Variants in RIC3 observed in about 807,000 individuals in gnomAD.
RIC3 encodes protein RIC-3.
A neutral mutation model predicts 27.3 loss-of-function variants in RIC3; 28 were observed. The observed-to-expected ratio is 1.02, with a 90% CI of 0.76 to 1.41. The LOEUF (loss-of-function observed/expected upper bound fraction) is 1.41. Ranked by LOEUF, RIC3 falls within the 40% of genes most tolerant of loss-of-function variation. RIC3 has a pLI of 0.00. For missense variants in RIC3, 501 were observed against 444.7 expected, an observed-to-expected ratio of 1.13 and a Z score of -1.14; for synonymous variants, 184 against 160.4, an observed-to-expected ratio of 1.15 and a Z score of -1.11.
At chr11:8,158,445 C>A (rs1950871330) in intron 1 of RIC3, among the ~76,000 whole-genome samples, 1 of 152,064 alleles carries the variant, frequency 6.6e-6, no homozygotes, top group South Asian at 2.1e-4. Context: ...GAAGCCACCT[C>A]CAACACAGAG....
Position 8,106,193 on chromosome 11 carries a change from TTGTC to T in RIC3, c.*4501_*4504del, listed in dbSNP as rs1278145035. ...TTATGTATGTTGTAGAATTTAGTGTTTGTCTAAGTACACACATATATCAACAAAT... is the reference window on the plus strand; with the variant it reads ...TTATGTATGTTGTAGAATTTAGTGTTTAAGTACACACATATATCAACAAAT... On this transcript the variant is annotated 3_prime_UTR_variant, in exon 6 of 6. Coordinates refer to ENST00000309737, the MANE Select transcript of RIC3 (RefSeq NM_001206671.4). 1 of 152,366 alleles carries T rather than the reference TTGTC, an allele frequency of 6.6e-6. No homozygotes were observed. The highest frequency in any genetic ancestry group is 1.9e-4 in the East Asian group (1 of 5,192). 9.4% of individuals were successfully genotyped at this position (152,366 alleles called of 1,614,324 possible).
intron 1 of RIC3, among the ~76,000 whole-genome samples, chr11:8,161,954 C>A (rs1362651021): frequency 9.1e-6 from 1 of 109,936 alleles, no homozygotes; most frequent in Admixed American, 9.7e-5. Context: ...ATGTCCGAAA[C>A]TGTTGCTATA....
the RIC3 span, chr11:8,098,627 T>C: frequency 1.5e-6 from 1 of 675,204 alleles, no homozygotes; most frequent in East Asian, 2.6e-5. Context: ...CAGTGAGCAG[T>C]ATGCCTCCCT....
intron 2 of RIC3, chr11:8,138,860 C>T: frequency 9.6e-6 from 2 of 209,098 alleles, no homozygotes; most frequent in Non-Finnish European, 9.2e-6. Flanking sequence ...TCTGCCTTTG[C>T]CTCTTTTAAA....
rs1043868591 is a variant in RIC3, at chr11:8,110,341, G to A, written c.*357C>T. 2 of 370,934 alleles carry A rather than the reference G, an allele frequency of 5.4e-6. No homozygotes were observed. Among genetic ancestry groups the A allele is most frequent in the Non-Finnish European group, 1.0e-5 (2 of 193,924 alleles). 23.0% of individuals were successfully genotyped at this position (370,934 alleles called of 1,614,324 possible). ...CCTCATCATCTGTAAGCTGATGTTC[G>A]TTCACAGGTGAACTATCTGTTACAC... On this transcript the variant is annotated 3_prime_UTR_variant, in exon 6 of 6. Transcript: ENST00000309737.
chr11:8,128,868 C>T (rs1041872878), intron 4 of RIC3, among the ~76,000 whole-genome samples: 36 of 150,934 alleles, frequency 2.4e-4, no homozygotes, highest in Non-Finnish European at 1.2e-4. Flanking sequence ...CATTCTCCTG[C>T]CTCAGCCTCC....
intron 1 of RIC3, among the ~76,000 whole-genome samples, chr11:8,153,004 G>A (rs190234409): frequency 6.6e-6 from 1 of 152,074 alleles, no homozygotes. Flanking sequence ...AACATGATGA[G>A]GTCCAAAGAA....
At position 8,111,100 on chromosome 11, in the gene RIC3, T is replaced by C. The variant is rs1477143322; in HGVS notation, c.708A>G (p.Ser236=). 6.2e-7 allele frequency: 1 copy of C among 1,610,446 alleles called. No individual in the cohort carries two copies. The highest frequency in any genetic ancestry group is 8.5e-7 in the Non-Finnish European group (1 of 1,177,150). Reference sequence around the variant, plus strand: ...TTTCTTGCCTACGCTTGATACAGTCTGAAAGGTCATAAATTGGGTAAGTCT... The same window carrying C: ...TTTCTTGCCTACGCTTGATACAGTCCGAAAGGTCATAAATTGGGTAAGTCT... ...PEETYPIYDL[S]DCIKRRQETI... Residue 236 remains serine, a synonymous_variant, in exon 6 of 6, where the codon TCA becomes TCG. Coordinates refer to ENST00000309737, the MANE Select transcript of RIC3 (RefSeq NM_001206671.4).
the RIC3 span, among the ~76,000 whole-genome samples, chr11:8,098,263 C>A: frequency 6.6e-6 from 1 of 151,200 alleles, no homozygotes; most frequent in African/African-American, 2.4e-5. Flanking sequence ...CAGGTGGGGG[C>A]AGTGGGGAGG....
intron 1 of RIC3, among the ~76,000 whole-genome samples, chr11:8,143,616 C>T (rs981686603): frequency 4.6e-5 from 7 of 152,024 alleles, no homozygotes; most frequent in East Asian, 1.9e-4. Context: ...AGGTAATTTA[C>T]AGATTCAATG....
intron 5 of RIC3, among the ~76,000 whole-genome samples, chr11:8,115,741 T>C (rs1317877056): frequency 1.3e-5 from 2 of 152,090 alleles, no homozygotes; most frequent in East Asian, 1.9e-4. Context: ...ATGAAAGAAA[T>C]TGAAGAAGAC....
intron 5 of RIC3, among the ~76,000 whole-genome samples, chr11:8,117,876 A>C: frequency 6.6e-6 from 1 of 151,950 alleles, no homozygotes; most frequent in East Asian, 1.9e-4. Context: ...TCAAATAATA[A>C]CTCATAAAAC....
rs990025020 is a variant in RIC3 at position 8,153,232 on chromosome 11, T to G, written c.125-13039A>C. 8 of 285,760 alleles carry G rather than the reference T, an allele frequency of 2.8e-5. 1 individual carries two copies. The highest frequency in any genetic ancestry group is 2.0e-4 in the Admixed American group (4 of 19,798). 17.7% of individuals were successfully genotyped at this position (285,760 alleles called of 1,614,324 possible). ...AGTACTTTACATGCGGTATTATTGTTCACATATTTACTGCTGAGCACTTAA... is the reference window on the plus strand; with the variant it reads ...AGTACTTTACATGCGGTATTATTGTGCACATATTTACTGCTGAGCACTTAA... On this transcript the variant is annotated intron_variant, in intron 1 of 5. Coordinates refer to ENST00000309737, the MANE Select transcript of RIC3 (RefSeq NM_001206671.4).
chr11:8,135,243 C>G (rs1315306766), intron 4 of RIC3, among the ~76,000 whole-genome samples: 1 of 152,188 alleles, frequency 6.6e-6, no homozygotes, highest in Non-Finnish European at 1.5e-5. Context: ...ATAGGGAATC[C>G]TTTCCCCATT....
chr11:8,137,435 T>A lies in RIC3; in HGVS notation c.464A>T (p.Lys155Met). 1.2e-6 allele frequency: 2 copies of A among 1,614,098 alleles called. No homozygotes were observed. The highest frequency in any genetic ancestry group is 1.7e-6 in the Non-Finnish European group (2 of 1,180,038). The change falls in exon 4 of 6, where the codon AAG (lysine) becomes ATG (methionine). Residue 155 changes from lysine to methionine, a missense_variant. Lys to Met is a moderately conservative substitution (Grantham distance 95). Coordinates refer to ENST00000309737, the MANE Select transcript of RIC3 (RefSeq NM_001206671.4). ...TTTTTCCATGGCTGCTTCTGTCTCC[T>A]TCAGTTTTTCTTGCAGTTGAGCAAG... Reference protein sequence around the residue: ...FELAQLQEKLKETEAAMEKLI... With the variant: ...FELAQLQEKLMETEAAMEKLI...
At position 8,117,989 on chromosome 11, in the gene RIC3, G is replaced by A. The variant is rs189919688; in HGVS notation, c.671-6852C>T. 6.3e-3 allele frequency among the ~76,000 whole-genome samples: 954 copies of A among 151,894 alleles called. 22 individuals are homozygous for A. The highest frequency in any genetic ancestry group is 0.051 in the Admixed American group (777 of 15,260). On this transcript the variant is annotated intron_variant, in intron 5 of 5. Coordinates refer to ENST00000309737, the MANE Select transcript of RIC3 (RefSeq NM_001206671.4). Reference sequence around the variant, plus strand: ...TGTAATCCCAGCACTTTGGGAGGCCGAGGCGGGCAGATCACGAGGTCAGGA... The same window carrying A: ...TGTAATCCCAGCACTTTGGGAGGCCAAGGCGGGCAGATCACGAGGTCAGGA...
intron 5 of RIC3, among the ~76,000 whole-genome samples, chr11:8,118,506 T>C (rs989723777): frequency 1.8e-5 from 2 of 111,268 alleles, no homozygotes; most frequent in Non-Finnish European, 3.7e-5. Context: ...AAAGGAGCTA[T>C]TGAATAGAAA....
intron 4 of RIC3, among the ~76,000 whole-genome samples, chr11:8,128,709 T>A (rs1947287567): frequency 6.6e-6 from 1 of 152,004 alleles, no homozygotes; most frequent in Non-Finnish European, 1.5e-5. Context: ...CCTCCCTGAA[T>A]TCTGGATTCC....
At chr11:8,162,549 C>G (rs1017576083) in intron 1 of RIC3, among the ~76,000 whole-genome samples, 1 of 151,778 alleles carries the variant, frequency 6.6e-6, no homozygotes, top group African/African-American at 2.4e-5. Flanking sequence ...CAGAAAAAAA[C>G]CTTCACAATT....
Sources: gnomAD v4.1 joint callset for allele counts (sites outside exome capture counted in the v4.1 genomes callset) on GRCh38, gnomAD v4.1.1 for gene constraint, MANE v1.5 for transcripts, NCBI Gene and HGNC (gene_info 2026-07-23, HGNC 2026-07-21) for gene names.